TUSC3: variants seen among roughly 807,000 people sequenced by gnomAD.
TUSC3 encodes tumor suppressor candidate 3, also known as dolichyl-diphosphooligosaccharide--protein glycosyltransferase subunit TUSC3.
Under a neutral mutation model 44.8 loss-of-function variants are expected in TUSC3, and 45 were observed. The observed-to-expected ratio is 1.00, with a 90% CI of 0.79 to 1.29. TUSC3 has a LOEUF of 1.29. TUSC3 is among the 50% of genes most tolerant of loss of function. TUSC3 has a pLI of 0.00. For synonymous variants in TUSC3, 212 were observed against 152.9 expected, an observed-to-expected ratio of 1.39 and a Z score of -2.85; for missense variants, 519 against 437.9, an observed-to-expected ratio of 1.19 and a Z score of -1.65.
chr8:15,727,285 A>C (rs769980204), intron 6 of TUSC3, among the ~76,000 whole-genome samples: 1 of 152,176 alleles, frequency 6.6e-6, no homozygotes, highest in Non-Finnish European at 1.5e-5. Flanking sequence ...AGACTTTTGC[A>C]ATACTTACTC....
intron 1 of TUSC3, among the ~76,000 whole-genome samples, chr8:15,619,123 G>A (rs1805127713): frequency 6.6e-6 from 1 of 152,102 alleles, no homozygotes; most frequent in Non-Finnish European, 1.5e-5. Flanking sequence ...GGATTTTACT[G>A]GTATTTTAGC....
At chr8:15,655,188 A>C (rs1004410396) in intron 3 of TUSC3, among the ~76,000 whole-genome samples, 2 of 152,150 alleles carry the variant, frequency 1.3e-5, no homozygotes, top group African/African-American at 4.8e-5. Flanking sequence ...GCTGCTAGGA[A>C]AGGCAGTCTC....
chr8:15,659,852 A>T (rs965420065), intron 4 of TUSC3, among the ~76,000 whole-genome samples: 1 of 152,148 alleles, frequency 6.6e-6, no homozygotes, highest in African/African-American at 2.4e-5. Flanking sequence ...CTGATATTTT[A>T]AAAGCCATTA....
chr8:15,604,061 C>A (rs557422633), intron 1 of TUSC3, among the ~76,000 whole-genome samples: 2 of 151,626 alleles, frequency 1.3e-5, no homozygotes, highest in East Asian at 3.9e-4. Context: ...TGCCCTACAG[C>A]AATGCAGATA....
At chr8:15,627,531 C>G (rs1050751239) in intron 2 of TUSC3, among the ~76,000 whole-genome samples, 2 of 152,234 alleles carry the variant, frequency 1.3e-5, no homozygotes, top group Admixed American at 6.5e-5. Flanking sequence ...CCTCGCTTGC[C>G]ATGTTGTGGA....
At chr8:15,435,972 C>T (rs28462022) in intron 1 of TUSC3, among the ~76,000 whole-genome samples, 24,653 of 152,094 alleles carry the variant, frequency 0.16, 2,056 homozygotes, top group Middle Eastern at 0.22. Context: ...TTTTCTGAAG[C>T]AGAATCTCTG....
chr8:15,784,476 G>T, the TUSC3 span, among the ~76,000 whole-genome samples: 6 of 151,658 alleles, frequency 4.0e-5, no homozygotes, highest in Admixed American at 3.9e-4. Context: ...ATGAATGAAT[G>T]GATTCGAAAA....
At chr8:15,823,783 G>C in the TUSC3 span, among the ~76,000 whole-genome samples, 3 of 141,670 alleles carry the variant, frequency 2.1e-5, no homozygotes, top group Admixed American at 7.1e-5. Context: ...ATCAAACAGA[G>C]ACTGGCAAGT....
intron 1 of TUSC3, among the ~76,000 whole-genome samples, chr8:15,476,512 AC>A (rs1800576956): frequency 6.6e-6 from 1 of 152,130 alleles, no homozygotes; most frequent in Admixed American, 6.5e-5. Context: ...TATTTCTTAA[AC>A]GTGATTTACA....
chr8:15,818,639 G>A, the TUSC3 span, among the ~76,000 whole-genome samples: 4 of 152,070 alleles, frequency 2.6e-5, no homozygotes, highest in African/African-American at 9.7e-5. Context: ...TAAGCATAAT[G>A]GTATAAATGA....
the TUSC3 span, among the ~76,000 whole-genome samples, chr8:15,798,871 T>G: frequency 5.9e-5 from 9 of 152,152 alleles, no homozygotes; most frequent in East Asian, 3.9e-4. Context: ...ATATAAAGAC[T>G]AGGGAAATTT....
chr8:15,425,328 C>A (rs191444424), intron 1 of TUSC3, among the ~76,000 whole-genome samples: 1 of 152,116 alleles, frequency 6.6e-6, no homozygotes, highest in Non-Finnish European at 1.5e-5. Context: ...CTTTTTCGCC[C>A]TTAAGAATGC....
intron 2 of TUSC3, among the ~76,000 whole-genome samples, chr8:15,631,298 G>A (rs183575679): frequency 1.3e-5 from 2 of 152,156 alleles, no homozygotes; most frequent in African/African-American, 4.8e-5. Flanking sequence ...CTTCCTAGGT[G>A]TCTCTTCCTC....
At chr8:15,431,015 G>A (rs2129116818) in intron 1 of TUSC3, among the ~76,000 whole-genome samples, 1 of 151,544 alleles carries the variant, frequency 6.6e-6, no homozygotes, top group East Asian at 1.9e-4. Flanking sequence ...ATATTTCTGG[G>A]CTCTTTATTT....
intron 1 of TUSC3, among the ~76,000 whole-genome samples, chr8:15,436,584 C>T (rs576086068): frequency 6.6e-6 from 1 of 152,258 alleles, no homozygotes; most frequent in South Asian, 2.1e-4. Context: ...GTATGGAGTA[C>T]AGAGCATGAT....
the TUSC3 span, chr8:15,806,424 A>G: frequency 1.5e-6 from 1 of 654,940 alleles, no homozygotes; most frequent in Admixed American, 2.1e-5. Context: ...TGCATTTGGA[A>G]ACCAGAGAAA....
chr8:15,829,143 A>G, the TUSC3 span, among the ~76,000 whole-genome samples: 1 of 152,088 alleles, frequency 6.6e-6, no homozygotes. Flanking sequence ...TATGTGCACT[A>G]CAATTGCATG....
chr8:15,785,017 A>G, the TUSC3 span, among the ~76,000 whole-genome samples: 1 of 151,776 alleles, frequency 6.6e-6, no homozygotes, highest in Non-Finnish European at 1.5e-5. Flanking sequence ...ATATATATAT[A>G]TATATACACA....
chr8:15,770,448 C>T (rs1228299647), downstream of TUSC3, among the ~76,000 whole-genome samples: 1 of 151,986 alleles, frequency 6.6e-6, no homozygotes, highest in African/African-American at 2.4e-5. Flanking sequence ...AGGAGAAATA[C>T]CCAATGTAGA....
Sources: gnomAD v4.1 joint callset for allele counts (sites outside exome capture counted in the v4.1 genomes callset) on GRCh38, gnomAD v4.1.1 for gene constraint, MANE v1.5 for transcripts, NCBI Gene and HGNC (gene_info 2026-07-23, HGNC 2026-07-21) for gene names.